The following GFOD1 variants were observed in gnomAD, a reference collection of about 807,000 sequenced individuals.
The protein encoded by GFOD1 is glucose-fructose oxidoreductase domain-containing protein 1.
Under a neutral mutation model 25.4 loss-of-function variants are expected in GFOD1, and 9 were observed. That is an observed-to-expected ratio of 0.35 (90% CI 0.21 to 0.62). The LOEUF is 0.62. Among genes scored for constraint, GFOD1 ranks in the 20% least tolerant of loss-of-function variants. The pLI is 0.72. For missense variants in GFOD1, 403 were observed against 556.9 expected, an observed-to-expected ratio of 0.72 and a Z score of 2.78; for synonymous variants, 253 against 245.6, an observed-to-expected ratio of 1.03 and a Z score of -0.28.
At chr6:13,484,766 G>C (rs541059630) in intron 1 of GFOD1, among the ~76,000 whole-genome samples, 1 of 152,290 alleles carries the variant, frequency 6.6e-6, no homozygotes, top group Non-Finnish European at 1.5e-5. Context: ...CAGAAAACAA[G>C]GTCATCCTTG....
At chr6:13,400,595 A>T (rs1456586282) in intron 1 of GFOD1, among the ~76,000 whole-genome samples, 2 of 152,266 alleles carry the variant, frequency 1.3e-5, no homozygotes, top group East Asian at 3.8e-4. Flanking sequence ...GATAGTGATC[A>T]AAAGAGCACA....
At chr6:13,466,743 C>T (rs906308632) in intron 1 of GFOD1, among the ~76,000 whole-genome samples, 2 of 152,150 alleles carry the variant, frequency 1.3e-5, no homozygotes, top group African/African-American at 4.8e-5. Context: ...AGGAGCTAAC[C>T]CCAAACGCCC....
intron 1 of GFOD1, among the ~76,000 whole-genome samples, chr6:13,413,614 G>A (rs977313845): frequency 6.6e-6 from 1 of 152,110 alleles, no homozygotes; most frequent in Non-Finnish European, 1.5e-5. Flanking sequence ...GAATGTATGA[G>A]CATTCCCTGG....
At chr6:13,385,586 A>G (rs1218191544) in intron 1 of GFOD1, among the ~76,000 whole-genome samples, 1 of 152,258 alleles carries the variant, frequency 6.6e-6, no homozygotes, top group Non-Finnish European at 1.5e-5. Flanking sequence ...CAGTGCAGTA[A>G]GACAAGCCAA....
chr6:13,445,907 T>C (rs1383863048), intron 1 of GFOD1, among the ~76,000 whole-genome samples: 1 of 152,174 alleles, frequency 6.6e-6, no homozygotes, highest in Non-Finnish European at 1.5e-5. Flanking sequence ...GGTCTGATCT[T>C]TTCATAGAGC....
chr6:13,365,717 G>T lies in GFOD1; in HGVS notation c.254-55C>A. On this transcript the variant is annotated intron_variant, in intron 1 of 1. Transcript: ENST00000379287. The surrounding 1 kb of genome is among the most constrained non-coding windows in gnomAD (Gnocchi z 9.2). ...GGGGCAGGACCATGTCCGAGCGCGC[G>T]TCCCTGGGTCAGATCTTAAAATATT... is the stretch of plus-strand genomic sequence containing the variant. 2 of 1,210,432 alleles carry T rather than the reference G, an allele frequency of 1.7e-6. No homozygotes were observed. The highest frequency in any genetic ancestry group is 2.4e-6 in the Non-Finnish European group (2 of 844,282). The allele number at this position is 1,210,432 out of a possible 1,614,324, so 75.0% of individuals were successfully genotyped here. A position where few individuals can be genotyped will look rare whatever the true frequency, so the allele number is the denominator to read the frequency against.
chr6:13,387,837 G>A (rs1245402474), intron 1 of GFOD1, among the ~76,000 whole-genome samples: 2 of 152,200 alleles, frequency 1.3e-5, no homozygotes, highest in Non-Finnish European at 2.9e-5. Context: ...GTCTCTGTTT[G>A]CAGATGACAT....
chr6:13,420,908 C>T (rs957901255), intron 1 of GFOD1, among the ~76,000 whole-genome samples: 1 of 152,158 alleles, frequency 6.6e-6, no homozygotes, highest in East Asian at 1.9e-4. Flanking sequence ...TCACTCTAAA[C>T]AGGATGTCAT....
intron 1 of GFOD1, among the ~76,000 whole-genome samples, chr6:13,374,655 G>A (rs821301): frequency 0.047 from 6,978 of 149,178 alleles, 304 homozygotes; most frequent in African/African-American, 0.11. Context: ...TATTGCTGGG[G>A]TATAGTGATG....
rs1288552359 is a variant in GFOD1, at chr6:13,478,072, A to AC, written c.253+8565_253+8566insG. ...GAGTGAGAATCTATCTCAAAAAAAA[A>AC]AAAAACAAAACAAAGAAACAAAAAA... On this transcript the variant is annotated intron_variant, in intron 1 of 1. Coordinates refer to ENST00000379287, the MANE Select transcript of GFOD1 (RefSeq NM_018988.4). Among the ~76,000 whole-genome samples, 7 of 151,924 alleles carry AC rather than the reference A, an allele frequency of 4.6e-5. No individual in the cohort carries two copies. In the East Asian group the frequency reaches 1.4e-3, roughly 29 times the overall value.
chr6:13,381,700 A>T (rs1167923961), intron 1 of GFOD1, among the ~76,000 whole-genome samples: 1 of 152,158 alleles, frequency 6.6e-6, no homozygotes, highest in Non-Finnish European at 1.5e-5. Context: ...TGTCAGATGC[A>T]GAGAACAAGG....
At chr6:13,366,686 G>T (rs998036435) in intron 1 of GFOD1, among the ~76,000 whole-genome samples, 1 of 151,646 alleles carries the variant, frequency 6.6e-6, no homozygotes. Flanking sequence ...AAGAGACAGG[G>T]GTCTCCTTAT....
chr6:13,379,927 A>G (rs1053533023), intron 1 of GFOD1, among the ~76,000 whole-genome samples: 7 of 152,208 alleles, frequency 4.6e-5, no homozygotes, highest in Non-Finnish European at 1.0e-4. Flanking sequence ...TTTGCAAGCC[A>G]TGTGGCCCAA....
At chr6:13,485,304 T>A (rs1026144703) in intron 1 of GFOD1, among the ~76,000 whole-genome samples, 1 of 152,226 alleles carries the variant, frequency 6.6e-6, no homozygotes, top group African/African-American at 2.4e-5. Flanking sequence ...CACACGTATA[T>A]TTCACCTACC....
At position 13,360,379 on chromosome 6, in the gene GFOD1, T is replaced by C. The variant is rs1013220448; in HGVS notation, c.*4364A>G. On this transcript the variant is annotated 3_prime_UTR_variant, in exon 2 of 2. Coordinates refer to ENST00000379287, the MANE Select transcript of GFOD1 (RefSeq NM_018988.4). ...AGGCCAAATTCAATAGCTGTGGCTATGAGACAAGATGAAGAGAGTAGGGGT... is the reference window on the plus strand; with the variant it reads ...AGGCCAAATTCAATAGCTGTGGCTACGAGACAAGATGAAGAGAGTAGGGGT... The C allele has an allele frequency of 1.4e-5, 4 of 288,580 alleles. No individual in the cohort carries two copies. The highest frequency in any genetic ancestry group is 8.9e-5 in the African/African-American group (4 of 44,820). 17.9% of individuals were successfully genotyped at this position (288,580 alleles called of 1,614,324 possible). A position where few individuals can be genotyped will look rare whatever the true frequency, so the allele number is the denominator to read the frequency against.
At position 13,487,599 on chromosome 6, in the gene GFOD1, C is replaced by G. The variant is rs919800982; in HGVS notation, c.-709G>C. 2.0e-5 allele frequency: 3 copies of G among 152,050 alleles called. No homozygotes were observed. Among genetic ancestry groups the G allele is most frequent in the Admixed American group, 6.6e-5 (1 of 15,262 alleles). The allele number at this position is 152,050 out of a possible 1,614,324, so 9.4% of individuals were successfully genotyped here. A position where few individuals can be genotyped will look rare whatever the true frequency, so the allele number is the denominator to read the frequency against. On this transcript the variant is annotated 5_prime_UTR_variant, in exon 1 of 2. Coordinates refer to ENST00000379287, the MANE Select transcript of GFOD1 (RefSeq NM_018988.4). The surrounding 1 kb of genome is among the most constrained non-coding windows in gnomAD (Gnocchi z 4.9). ...CCTCGGCCCCAGGCCGGCTCAGGCT[C>G]TGGGATCCCGCGGGGACGAGGGCGG...
At chr6:13,389,598 C>A (rs1444342238) in intron 1 of GFOD1, among the ~76,000 whole-genome samples, 1 of 151,862 alleles carries the variant, frequency 6.6e-6, no homozygotes, top group African/African-American at 2.4e-5. Context: ...GAACATCACA[C>A]ACTGGGGCCT....
intron 1 of GFOD1, among the ~76,000 whole-genome samples, chr6:13,404,074 T>C (rs1328570123): frequency 6.6e-6 from 1 of 152,244 alleles, no homozygotes; most frequent in East Asian, 1.9e-4. Flanking sequence ...TAAACAACGA[T>C]AGTTTGAAAT....
chr6:13,404,331 C>A (rs967241571), intron 1 of GFOD1, among the ~76,000 whole-genome samples: 1 of 152,212 alleles, frequency 6.6e-6, no homozygotes, highest in Non-Finnish European at 1.5e-5. Context: ...CTGAGGGAAA[C>A]TGCAGCCAGC....
Sources: allele counts gnomAD v4.1 joint callset (sites outside exome capture counted in the v4.1 genomes callset), GRCh38; gene constraint gnomAD v4.1.1; non-coding constraint Gnocchi (gnomAD v3.1); transcripts MANE v1.5; gene names NCBI Gene and HGNC (gene_info 2026-07-23, HGNC 2026-07-21).